ZNF487: variants seen among roughly 807,000 people sequenced by gnomAD.
ZNF487 encodes zinc finger protein 487, also known as KRAB domain only 1.
In ZNF487, 4 loss-of-function variants were observed where a neutral mutation model predicts 3.0. The observed-to-expected ratio is 1.35, with a 90% CI of 0.66 to 3.08. The LOEUF (loss-of-function observed/expected upper bound fraction) is 3.08, where lower values mean the gene tolerates loss of function less well. Among genes scored for constraint, ZNF487 ranks in the 30% most tolerant of loss-of-function variants. The probability of loss-of-function intolerance (pLI) is 0.01; values close to 1 mark genes in which losing one functional copy is unlikely to be tolerated. For missense variants in ZNF487, 146 were observed against 98.7 expected, an observed-to-expected ratio of 1.48 and a Z score of -2.03; for synonymous variants, 55 against 34.6, an observed-to-expected ratio of 1.59 and a Z score of -2.06.
intron 1 of ZNF487, among the ~76,000 whole-genome samples, chr10:43,455,117 T>C (rs960114932): frequency 1.3e-5 from 2 of 151,022 alleles, no homozygotes; most frequent in Non-Finnish European, 2.9e-5. Context: ...CAAGGCCTTC[T>C]CCTGCCTCAG....
At chr10:43,514,586 T>A in the ZNF487 span, among the ~76,000 whole-genome samples, 23 of 152,336 alleles carry the variant, frequency 1.5e-4, no homozygotes, top group South Asian at 4.8e-3. Flanking sequence ...GAGCTCTACA[T>A]TAGTCAGGAT....
At chr10:43,470,532 C>T (rs756518962) in intron 1 of ZNF487, among the ~76,000 whole-genome samples, 9 of 152,112 alleles carry the variant, frequency 5.9e-5, no homozygotes, top group African/African-American at 9.7e-5. Flanking sequence ...TACAGGCATG[C>T]GTCACCACAC....
At chr10:43,518,093 A>C in the ZNF487 span, among the ~76,000 whole-genome samples, 1 of 152,202 alleles carries the variant, frequency 6.6e-6, no homozygotes, top group Non-Finnish European at 1.5e-5. Context: ...CTTTGGGGTA[A>C]AGATCTCTGG....
the ZNF487 span, among the ~76,000 whole-genome samples, chr10:43,510,248 T>C: frequency 6.6e-6 from 1 of 152,238 alleles, no homozygotes; most frequent in South Asian, 2.1e-4. Flanking sequence ...TACCTTCATC[T>C]ATTACCCATT....
At chr10:43,472,945 C>CTGAGGCGGGAGGATCACT (rs1840955887) in intron 1 of ZNF487, among the ~76,000 whole-genome samples, 1 of 149,258 alleles carries the variant, frequency 6.7e-6, no homozygotes, top group Admixed American at 6.7e-5. Flanking sequence ...CTTTGGGAGG[C>CTGAGGCGGGAGGATCACT]TGAGGCGGGA....
intron 1 of ZNF487, among the ~76,000 whole-genome samples, chr10:43,455,238 C>G (rs539256495): frequency 2.4e-4 from 37 of 152,210 alleles, no homozygotes; most frequent in Non-Finnish European, 4.6e-4. Flanking sequence ...GTCTCGATCT[C>G]CTGACCTCCT....
chr10:43,501,178 T>G, the ZNF487 span, among the ~76,000 whole-genome samples: 1 of 152,114 alleles, frequency 6.6e-6, no homozygotes, highest in African/African-American at 2.4e-5. Context: ...TATGTAAACA[T>G]AGAAAAGGTA....
intron 1 of ZNF487, among the ~76,000 whole-genome samples, chr10:43,464,455 G>T (rs1252255703): frequency 6.6e-6 from 1 of 151,964 alleles, no homozygotes; most frequent in African/African-American, 2.4e-5. Flanking sequence ...CAATAGTGGA[G>T]GGAAGGTCAG....
the ZNF487 span, among the ~76,000 whole-genome samples, chr10:43,507,899 A>G: frequency 2.0e-5 from 3 of 152,244 alleles, no homozygotes; most frequent in East Asian, 3.8e-4. Flanking sequence ...TATTGTGGCT[A>G]GAAATCTAAA....
chr10:43,446,333 G>A lies in ZNF487; in HGVS notation c.-94+9071G>A, dbSNP rs188160090. Reference sequence around the variant, plus strand: ...CCCCCACCTCCCAGACGGGGTGGCCGGGCGGAGACTCTCCTCACTTCCCAG... The same window carrying A: ...CCCCCACCTCCCAGACGGGGTGGCCAGGCGGAGACTCTCCTCACTTCCCAG... On this transcript the variant is annotated intron_variant, in intron 1 of 3. Coordinates refer to ENST00000437590, the MANE Select transcript of ZNF487 (RefSeq NM_001355444.3). Among the ~76,000 whole-genome samples, 231 of 151,514 alleles carry A rather than the reference G, an allele frequency of 1.5e-3. 1 individual carries two copies. The highest frequency in any genetic ancestry group is 5.2e-3 in the African/African-American group (214 of 41,302).
the ZNF487 span, among the ~76,000 whole-genome samples, chr10:43,519,771 G>A: frequency 6.6e-6 from 1 of 152,246 alleles, no homozygotes; most frequent in East Asian, 1.9e-4. Flanking sequence ...GGCCTAAAAT[G>A]TTAGTTCTTT....
intron 1 of ZNF487, among the ~76,000 whole-genome samples, chr10:43,448,471 T>A (rs1209427018): frequency 6.6e-6 from 1 of 152,078 alleles, no homozygotes; most frequent in Non-Finnish European, 1.5e-5. Flanking sequence ...TTAAACAAAA[T>A]GGGTTTGACC....
intron 1 of ZNF487, among the ~76,000 whole-genome samples, chr10:43,472,079 T>C (rs760236632): frequency 7.9e-5 from 12 of 152,194 alleles, no homozygotes; most frequent in Non-Finnish European, 1.5e-4. Context: ...GCTGCCTCCA[T>C]TTGTTATCAC....
At chr10:43,474,908 T>C (rs1028922899) in intron 1 of ZNF487, among the ~76,000 whole-genome samples, 6 of 151,916 alleles carry the variant, frequency 3.9e-5, no homozygotes, top group Non-Finnish European at 7.4e-5. Context: ...ATCAATTTTT[T>C]AAAAAATATC....
chr10:43,441,426 C>T lies in ZNF487; in HGVS notation c.-94+4164C>T, dbSNP rs557169408. Among the ~76,000 whole-genome samples the T allele has an allele frequency of 9.6e-4, 146 of 151,878 alleles. 2 individuals carry two copies. Among genetic ancestry groups the T allele is most frequent in the African/African-American group, 3.4e-3 (139 of 41,380 alleles). Reference sequence around the variant, plus strand: ...GACTACAGACACCTGCCACCGGGCCCGGCTAATTTTTTGTATTTTTAGTAG... The same window carrying T: ...GACTACAGACACCTGCCACCGGGCCTGGCTAATTTTTTGTATTTTTAGTAG... On this transcript the variant is annotated intron_variant, in intron 1 of 3. Transcript: ENST00000437590.
the ZNF487 span, among the ~76,000 whole-genome samples, chr10:43,502,827 T>G: frequency 6.6e-6 from 1 of 152,110 alleles, no homozygotes; most frequent in African/African-American, 2.4e-5. Flanking sequence ...GCCCAGGTAT[T>G]CAAGACCAAC....
At chr10:43,507,382 C>T in the ZNF487 span, among the ~76,000 whole-genome samples, 2 of 152,198 alleles carry the variant, frequency 1.3e-5, no homozygotes, top group African/African-American at 2.4e-5. Context: ...TTAAACATGG[C>T]ACCATGGATG....
intron 1 of ZNF487, among the ~76,000 whole-genome samples, chr10:43,464,972 G>A (rs1433614965): frequency 6.6e-6 from 1 of 150,722 alleles, no homozygotes; most frequent in African/African-American, 2.4e-5. Context: ...CTCACCTCCC[G>A]GATGGGGCGG....
At chr10:43,437,596 G>C (rs1839433772) in intron 1 of ZNF487, among the ~76,000 whole-genome samples, 2 of 152,138 alleles carry the variant, frequency 1.3e-5, no homozygotes. Flanking sequence ...CATGATTGTT[G>C]AGTTGTGGTG....
Sources: gnomAD v4.1 joint callset for allele counts (sites outside exome capture counted in the v4.1 genomes callset) on GRCh38, gnomAD v4.1.1 for gene constraint, MANE v1.5 for transcripts, NCBI Gene and HGNC (gene_info 2026-07-23, HGNC 2026-07-21) for gene names.